The following SLC16A9 variants were observed in gnomAD, a reference collection of about 807,000 sequenced individuals.
SLC16A9 encodes the protein monocarboxylate transporter 9.
SLC16A9 carries 26 observed loss-of-function variants against 44.3 expected under a neutral mutation model. That is an observed-to-expected ratio of 0.59 (90% CI 0.43 to 0.81). The LOEUF (loss-of-function observed/expected upper bound fraction) is 0.81. SLC16A9 is among the 40% of genes least tolerant of loss of function. SLC16A9 has a pLI of 0.00. For missense variants in SLC16A9, 559 were observed against 595.8 expected, an observed-to-expected ratio of 0.94 and a Z score of 0.64; for synonymous variants, 230 against 225.1, an observed-to-expected ratio of 1.02 and a Z score of -0.19.
At chr10:59,659,157 ATATTT>A (rs1374076314) in intron 4 of SLC16A9, among the ~76,000 whole-genome samples, 1 of 152,206 alleles carries the variant, frequency 6.6e-6, no homozygotes, top group Non-Finnish European at 1.5e-5. Context: ...TTTAAAAATT[ATATTT>A]TATATTTTCC....
chr10:59,654,677 TA>T (rs1460648098), intron 4 of SLC16A9, 88 bp from the exon 5 acceptor site: 1 of 1,071,962 alleles, frequency 9.3e-7, no homozygotes, highest in Non-Finnish European at 1.3e-6. Context: ...TTATTTTTTA[TA>T]CTGGCATTTA....
chr10:59,664,037 A>G (rs1443892418), intron 4 of SLC16A9, among the ~76,000 whole-genome samples, 190 bp downstream of exon 4: 3 of 150,546 alleles, frequency 2.0e-5, no homozygotes, highest in Admixed American at 1.3e-4. Flanking sequence ...AATGTAAAAA[A>G]AAAAAAAAAA....
At chr10:59,667,340 A>G (rs1357978146) in intron 3 of SLC16A9, among the ~76,000 whole-genome samples, 1 of 152,208 alleles carries the variant, frequency 6.6e-6, no homozygotes, top group African/African-American at 2.4e-5. Flanking sequence ...ATCAAGAAGC[A>G]TATTGTAACA....
intron 1 of SLC16A9, among the ~76,000 whole-genome samples, chr10:59,696,497 C>G (rs1840379297): frequency 6.6e-6 from 1 of 152,128 alleles, no homozygotes; most frequent in Admixed American, 6.5e-5. Flanking sequence ...CCCAAAGTGC[C>G]GAGATTGCAG....
intron 1 of SLC16A9, among the ~76,000 whole-genome samples, chr10:59,690,059 C>G (rs1171651): frequency 6.6e-6 from 1 of 151,922 alleles, no homozygotes; most frequent in African/African-American, 2.4e-5. Flanking sequence ...TGGTGGCATG[C>G]ACCTGTGGTC....
At chr10:59,696,809 G>T (rs1840392953) in intron 1 of SLC16A9, among the ~76,000 whole-genome samples, 1 of 151,380 alleles carries the variant, frequency 6.6e-6, no homozygotes, top group South Asian at 2.1e-4. Flanking sequence ...TCTGAGAAGT[G>T]AGAAGCCCCT....
intron 2 of SLC16A9, among the ~76,000 whole-genome samples, chr10:59,677,847 CT>C (rs907612247): frequency 1.4e-4 from 21 of 147,838 alleles, no homozygotes; most frequent in South Asian, 2.2e-4. Flanking sequence ...CCTCCACGCA[CT>C]TTTTTTTTTA....
chr10:59,699,470 C>G (rs913896527), intron 1 of SLC16A9, among the ~76,000 whole-genome samples: 1 of 152,170 alleles, frequency 6.6e-6, no homozygotes, highest in African/African-American at 2.4e-5. Context: ...TGGCTGGTGT[C>G]TTGGATAACC....
chr10:59,703,965 G>A (rs952122362), intron 1 of SLC16A9, among the ~76,000 whole-genome samples: 2 of 151,860 alleles, frequency 1.3e-5, no homozygotes, highest in African/African-American at 2.4e-5. Context: ...CTCGTGATCC[G>A]CCCGCCTCTG....
intron 2 of SLC16A9, among the ~76,000 whole-genome samples, chr10:59,675,447 C>T (rs1033984523): frequency 6.6e-6 from 1 of 152,204 alleles, no homozygotes; most frequent in African/African-American, 2.4e-5. Flanking sequence ...TTTCCAGTAA[C>T]CATCAGGTGA....
At chr10:59,664,632 T>C (rs1380131159) in intron 3 of SLC16A9, among the ~76,000 whole-genome samples, 1 of 152,194 alleles carries the variant, frequency 6.6e-6, no homozygotes, top group Admixed American at 6.5e-5. Flanking sequence ...TAAATTCACA[T>C]ACCAAATAGC....
chr10:59,655,119 G>GT (rs1326691344), intron 4 of SLC16A9, among the ~76,000 whole-genome samples: 1 of 151,916 alleles, frequency 6.6e-6, no homozygotes, highest in Non-Finnish European at 1.5e-5. Context: ...GTGAAACCCC[G>GT]TCTCTACTAA....
At chr10:59,696,026 G>A (rs1840362617) in intron 1 of SLC16A9, among the ~76,000 whole-genome samples, 1 of 152,164 alleles carries the variant, frequency 6.6e-6, no homozygotes, top group South Asian at 2.1e-4. Flanking sequence ...GTTAAGATCA[G>A]AGGCGGTGTG....
At chr10:59,680,465 G>T (rs1839962430) in intron 2 of SLC16A9, among the ~76,000 whole-genome samples, 2 of 152,132 alleles carry the variant, frequency 1.3e-5, no homozygotes, top group African/African-American at 4.8e-5. Flanking sequence ...ATCCTGAATG[G>T]TCCCTTTCTT....
chr10:59,689,657 T>C (rs1186916983), intron 1 of SLC16A9, among the ~76,000 whole-genome samples: 1 of 152,238 alleles, frequency 6.6e-6, no homozygotes, highest in African/African-American at 2.4e-5. Context: ...CTTCCACGTT[T>C]GTGAGCTAAC....
chr10:59,684,246 C>T lies in SLC16A9; in HGVS notation c.46G>A (p.Val16Met), dbSNP rs192393809. The change falls in exon 2 of 6, where the codon GTG (valine) becomes ATG (methionine). Residue 16 changes from valine (V) to methionine (M), a missense_variant. Val to Met is a conservative substitution (Grantham distance 21, BLOSUM62 1). Coordinates refer to ENST00000395348, the MANE Select transcript of SLC16A9 (RefSeq NM_194298.3). ...AACTGAGTAAGGAAGGAGACAAACACAATCACCCAGCCCCATCCACCGTCA... is the reference window on the plus strand; with the variant it reads ...AACTGAGTAAGGAAGGAGACAAACATAATCACCCAGCCCCATCCACCGTCA... Reference protein sequence around the residue: ...SPDGGWGWVIVFVSFLTQFLC... With the variant: ...SPDGGWGWVIMFVSFLTQFLC... The T allele has an allele frequency of 1.2e-6, 2 of 1,613,974 alleles. No homozygotes were observed. Among genetic ancestry groups the T allele is most frequent in the East Asian group, 4.5e-5 (2 of 44,852 alleles).
chr10:59,687,968 CA>C (rs3043427), intron 1 of SLC16A9, among the ~76,000 whole-genome samples: 33 of 140,664 alleles, frequency 2.3e-4, no homozygotes, highest in Non-Finnish European at 3.1e-4. Flanking sequence ...TCAACAACAA[CA>C]AAAAAAAAAA....
chr10:59,693,402 ATATACT>A (rs1157674514), intron 1 of SLC16A9, among the ~76,000 whole-genome samples: 5 of 151,652 alleles, frequency 3.3e-5, no homozygotes, highest in African/African-American at 9.8e-5. Context: ...AGTCAAAAAA[ATATACT>A]TATATATCAA....
Position 59,684,094 on chromosome 10 carries a change from A to G in SLC16A9, c.196+2T>C. On this transcript the variant is annotated splice_donor_variant, in intron 2 of 5. Coordinates refer to ENST00000395348, the MANE Select transcript of SLC16A9 (RefSeq NM_194298.3). LOFTEE classifies it high-confidence loss of function. ...AAGAGAGGCATTAATTTATCCACTT[A>G]CTTGCAAGCAAGCCAACTCCACTTG... The G allele has an allele frequency of 6.2e-7, 1 of 1,608,754 alleles. No individual in the cohort carries two copies. The highest frequency in any genetic ancestry group is 1.1e-5 in the South Asian group (1 of 90,378).
Sources: allele counts gnomAD v4.1 joint callset (sites outside exome capture counted in the v4.1 genomes callset), GRCh38; gene constraint gnomAD v4.1.1; transcripts MANE v1.5; gene names NCBI Gene and HGNC (gene_info 2026-07-23, HGNC 2026-07-21).